ELOVL7: variants seen among roughly 807,000 people sequenced by gnomAD.
ELOVL7 encodes the protein ELOVL fatty acid elongase 7.
Under a neutral mutation model 35.7 loss-of-function variants are expected in ELOVL7, and 27 were observed. That is an observed-to-expected ratio of 0.76 (90% CI 0.56 to 1.04). The LOEUF is 1.04. Ranked by LOEUF, ELOVL7 falls within the 50% of genes least tolerant of loss-of-function variation. The pLI is 0.00. For synonymous variants in ELOVL7, 113 were observed against 114.6 expected (o/e 0.99, Z 0.09); for missense variants, 327 against 340.8 (o/e 0.96, Z 0.32).
At chr5:60,762,694 T>G (rs1449768873) in intron 7 of ELOVL7, among the ~76,000 whole-genome samples, 1 of 152,202 alleles carries the variant, frequency 6.6e-6, no homozygotes, top group Non-Finnish European at 1.5e-5. Context: ...TGAAAGCACC[T>G]TTTCTAGCAT....
intron 1 of ELOVL7, among the ~76,000 whole-genome samples, chr5:60,822,502 T>C (rs1390072830): frequency 6.6e-6 from 1 of 152,206 alleles, no homozygotes; most frequent in Non-Finnish European, 1.5e-5. Flanking sequence ...GAAATCATTA[T>C]AGGCCTGAAC....
intron 1 of ELOVL7, among the ~76,000 whole-genome samples, chr5:60,843,934 C>G (rs900606057): frequency 2.4e-4 from 37 of 152,252 alleles, no homozygotes; most frequent in African/African-American, 8.7e-4. Flanking sequence ...CACGCGCAGG[C>G]AGCGGGGACA....
At chr5:60,835,990 C>T (rs1746776463) in intron 1 of ELOVL7, among the ~76,000 whole-genome samples, 1 of 151,938 alleles carries the variant, frequency 6.6e-6, no homozygotes, top group South Asian at 2.1e-4. Flanking sequence ...TGGGCACCAC[C>T]CCATGTGCTT....
At chr5:60,809,052 TA>T (rs951865195) in intron 1 of ELOVL7, among the ~76,000 whole-genome samples, 54 of 152,204 alleles carry the variant, frequency 3.5e-4, no homozygotes, top group African/African-American at 1.2e-3. Flanking sequence ...CTTTAAAAAA[TA>T]ATATTAAGAG....
chr5:60,793,234 C>T (rs2112258524), intron 2 of ELOVL7, among the ~76,000 whole-genome samples: 1 of 152,242 alleles, frequency 6.6e-6, no homozygotes, highest in Middle Eastern at 3.4e-3. Flanking sequence ...AGAAACTCAT[C>T]TCATATTTGG....
intron 7 of ELOVL7, among the ~76,000 whole-genome samples, chr5:60,762,320 A>T (rs1030861025): frequency 6.6e-6 from 1 of 151,562 alleles, no homozygotes; most frequent in Non-Finnish European, 1.5e-5. Flanking sequence ...AAAAAAAAAA[A>T]AAATTGAAGT....
intron 2 of ELOVL7, among the ~76,000 whole-genome samples, chr5:60,790,258 A>G (rs1345499600): frequency 1.3e-5 from 2 of 152,238 alleles, no homozygotes; most frequent in Non-Finnish European, 2.9e-5. Context: ...GTATAAAAGG[A>G]ACTCTTAAGA....
intron 8 of ELOVL7, among the ~76,000 whole-genome samples, chr5:60,755,083 C>T (rs902588750): frequency 4.6e-5 from 7 of 152,134 alleles, no homozygotes; most frequent in Admixed American, 6.6e-5. Flanking sequence ...TTCCCTGGAG[C>T]TGTGCAGTGC....
At chr5:60,765,130 C>T (rs1047359770) in intron 6 of ELOVL7, among the ~76,000 whole-genome samples, 2 of 152,152 alleles carry the variant, frequency 1.3e-5, no homozygotes, top group Non-Finnish European at 2.9e-5. Context: ...AGTTTCCTTA[C>T]GGAAGCTGGA....
chr5:60,788,362 AC>A (rs1743724988), intron 2 of ELOVL7, among the ~76,000 whole-genome samples: 1 of 152,214 alleles, frequency 6.6e-6, no homozygotes, highest in South Asian at 2.1e-4. Flanking sequence ...TGATGGCTGC[AC>A]AACAATGTAA....
intron 2 of ELOVL7, among the ~76,000 whole-genome samples, chr5:60,796,263 C>A (rs930066369): frequency 2.6e-5 from 4 of 152,174 alleles, no homozygotes; most frequent in Non-Finnish European, 5.9e-5. Context: ...AACAAAATCT[C>A]AAAGAGGCTG....
intron 1 of ELOVL7, among the ~76,000 whole-genome samples, chr5:60,824,960 CTTT>C (rs879496279): frequency 7.3e-6 from 1 of 137,886 alleles, no homozygotes; most frequent in Non-Finnish European, 1.6e-5. Context: ...CTTCTCACTT[CTTT>C]TTTTTTTTTT....
chr5:60,784,695 TG>T (rs1366154621), intron 3 of ELOVL7, among the ~76,000 whole-genome samples: 1 of 152,142 alleles, frequency 6.6e-6, no homozygotes, highest in Non-Finnish European at 1.5e-5. Flanking sequence ...AGACTAAAAC[TG>T]GACTAAGATG....
At chr5:60,832,791 AT>A in intron 1 of ELOVL7, among the ~76,000 whole-genome samples, 1 of 152,192 alleles carries the variant, frequency 6.6e-6, no homozygotes, top group Admixed American at 6.5e-5. Flanking sequence ...CCTAATGGGG[AT>A]AAACTCAAGT....
At chr5:60,824,456 A>G (rs77733569) in intron 1 of ELOVL7, among the ~76,000 whole-genome samples, 1,812 of 152,370 alleles carry the variant, frequency 0.012, 21 homozygotes, top group South Asian at 0.042. Context: ...GGCAGAGGCA[A>G]CAAAGCCCAA....
chr5:60,837,338 G>A lies in ELOVL7; in HGVS notation c.-86+6822C>T, dbSNP rs1287215399. 5.0e-5 allele frequency among the ~76,000 whole-genome samples: 7 copies of A among 140,084 alleles called. 1 individual carries two copies. Among genetic ancestry groups the A allele is most frequent in the African/African-American group, 8.0e-5 (3 of 37,454 alleles). The allele number at this position is 140,084 out of a possible 152,430, so 91.9% of individuals were successfully genotyped here. A position where few individuals can be genotyped will look rare whatever the true frequency, so the allele number is the denominator to read the frequency against. On this transcript the variant is annotated intron_variant, in intron 1 of 8. Transcript: ENST00000508821. ...GGTGGGGGGGGAGTGGGGGGTGGGG[G>A]TGGCGCTTGTCAGGAGGCTGAACCA...
intron 1 of ELOVL7, among the ~76,000 whole-genome samples, chr5:60,835,583 T>C (rs1386739764): frequency 6.6e-6 from 1 of 151,874 alleles, no homozygotes; most frequent in Non-Finnish European, 1.5e-5. Context: ...AGTTATTTTT[T>C]AAATTTTTTG....
At position 60,797,159 on chromosome 5, in the gene ELOVL7, A is replaced by C. The variant is rs542264482; in HGVS notation, c.-35+2021T>G. Reference sequence around the variant, plus strand: ...CAGTAAAAAATTATTTCAAATGACAAATTTTCAAATTTGCTAATTATAACA... The same window carrying C: ...CAGTAAAAAATTATTTCAAATGACACATTTTCAAATTTGCTAATTATAACA... On this transcript the variant is annotated intron_variant, in intron 2 of 8. Coordinates refer to ENST00000508821, the MANE Select transcript of ELOVL7 (RefSeq NM_024930.3). Among the ~76,000 whole-genome samples, 32 of 152,276 alleles carry C rather than the reference A, an allele frequency of 2.1e-4. No individual in the cohort carries two copies. The South Asian group carries it at 6.2e-3, about 30-fold the overall frequency.
chr5:60,828,453 T>C (rs557637694), intron 1 of ELOVL7, among the ~76,000 whole-genome samples: 1 of 152,306 alleles, frequency 6.6e-6, no homozygotes, highest in Admixed American at 6.5e-5. Context: ...ACCTAACAGC[T>C]CATTTTTACT....
Sources: gnomAD v4.1 joint callset for allele counts (sites outside exome capture counted in the v4.1 genomes callset) on GRCh38, gnomAD v4.1.1 for gene constraint, MANE v1.5 for transcripts, NCBI Gene and HGNC (gene_info 2026-07-23, HGNC 2026-07-21) for gene names.